ZNF487: variants seen among roughly 807,000 people sequenced by gnomAD.
The protein encoded by ZNF487 is zinc finger protein 487.
In ZNF487, 4 loss-of-function variants were observed where a neutral mutation model predicts 3.0. That is an observed-to-expected ratio of 1.35 (90% CI 0.66 to 3.08). The LOEUF (loss-of-function observed/expected upper bound fraction) is 3.08, where lower values mean the gene tolerates loss of function less well. Among genes scored for constraint, ZNF487 ranks in the 30% most tolerant of loss-of-function variants. ZNF487 has a pLI of 0.01. For missense variants in ZNF487, 146 were observed against 98.7 expected (o/e 1.48, Z -2.03); for synonymous variants, 55 against 34.6 (o/e 1.59, Z -2.06).
intron 3 of ZNF487, among the ~76,000 whole-genome samples, chr10:43,479,276 T>C (rs892975156): frequency 9.9e-5 from 15 of 152,152 alleles, no homozygotes; most frequent in Middle Eastern, 3.4e-3. Flanking sequence ...TTTTATTTTT[T>C]AATTGAATGA....
the ZNF487 span, among the ~76,000 whole-genome samples, chr10:43,498,095 ATATATTTTTTTTTTTTTTCT>A: frequency 2.5e-3 from 32 of 12,602 alleles, no homozygotes; most frequent in African/African-American, 6.4e-3. Flanking sequence ...ATATATATAT[ATATATTTTTTTTTTTTTTCT>A]TTTTTTTTTT....
intron 1 of ZNF487, among the ~76,000 whole-genome samples, chr10:43,468,906 G>A (rs61859963): frequency 0.029 from 4,080 of 142,954 alleles, 95 homozygotes; most frequent in South Asian, 0.044. Flanking sequence ...GGAGAATGGT[G>A]TGAACCCAGG....
At chr10:43,453,190 C>T (rs187747393) in intron 1 of ZNF487, 97 of 152,192 alleles carry the variant, frequency 6.4e-4, no homozygotes, top group African/African-American at 2.3e-3. Flanking sequence ...CTTTCCCAAT[C>T]ACTACATTTC....
chr10:43,508,704 G>T, the ZNF487 span, among the ~76,000 whole-genome samples: 2 of 152,084 alleles, frequency 1.3e-5, no homozygotes, highest in Admixed American at 6.5e-5. Context: ...AAACTAGCCA[G>T]GTGTAGTGGT....
chr10:43,449,694 T>A (rs201667926), intron 1 of ZNF487, among the ~76,000 whole-genome samples: 4 of 151,856 alleles, frequency 2.6e-5, no homozygotes, highest in East Asian at 1.9e-4. Context: ...TTTTTTTTTT[T>A]AATGAGACTG....
intron 1 of ZNF487, among the ~76,000 whole-genome samples, chr10:43,449,299 C>CAA (rs1286695692): frequency 7.4e-6 from 1 of 135,846 alleles, no homozygotes; most frequent in African/African-American, 2.7e-5. Context: ...ACTCTGTCTC[C>CAA]AAAAAAAAAA....
chr10:43,513,081 C>T, the ZNF487 span, among the ~76,000 whole-genome samples: 1 of 152,208 alleles, frequency 6.6e-6, no homozygotes. Context: ...TGGATCCAGT[C>T]AGCATAATAT....
At chr10:43,483,643 T>C (rs1321815168), downstream of ZNF487, among the ~76,000 whole-genome samples, 1 of 152,070 alleles carries the variant, frequency 6.6e-6, no homozygotes, top group East Asian at 1.9e-4. Flanking sequence ...TTCTTGTGCC[T>C]CAGCCTCCCA....
chr10:43,463,951 C>T (rs940198991), intron 1 of ZNF487, among the ~76,000 whole-genome samples: 5 of 152,004 alleles, frequency 3.3e-5, no homozygotes, highest in Non-Finnish European at 7.3e-5. Context: ...TTTCCTCTGG[C>T]CTCCCTATTC....
At chr10:43,501,318 G>A in the ZNF487 span, among the ~76,000 whole-genome samples, 1 of 152,168 alleles carries the variant, frequency 6.6e-6, no homozygotes, top group Non-Finnish European at 1.5e-5. Context: ...TGAAGGCCTA[G>A]TACGTTATTG....
At chr10:43,454,321 GAT>G (rs1840100372) in intron 1 of ZNF487, 1 of 152,250 alleles carries the variant, frequency 6.6e-6, no homozygotes, top group Non-Finnish European at 1.5e-5. Context: ...AAAGTGGTAG[GAT>G]TACAGGCGTG....
chr10:43,446,577 G>T (rs1326620765), intron 1 of ZNF487, among the ~76,000 whole-genome samples: 4 of 150,500 alleles, frequency 2.7e-5, no homozygotes, highest in Non-Finnish European at 5.9e-5. Context: ...GGGCAGAGGC[G>T]CTCCTCACAT....
At chr10:43,511,601 T>C in the ZNF487 span, among the ~76,000 whole-genome samples, 1 of 152,308 alleles carries the variant, frequency 6.6e-6, no homozygotes, top group South Asian at 2.1e-4. Flanking sequence ...TGGTCTCTGC[T>C]GCTAGCAAAT....
chr10:43,441,775 C>T (rs190258148), intron 1 of ZNF487, among the ~76,000 whole-genome samples: 71 of 152,128 alleles, frequency 4.7e-4, no homozygotes, highest in Middle Eastern at 6.8e-3. Flanking sequence ...CTAGTTGAGA[C>T]GGGGTTTCAC....
intron 1 of ZNF487, among the ~76,000 whole-genome samples, chr10:43,463,637 A>C (rs1259983087): frequency 6.8e-6 from 1 of 147,950 alleles, no homozygotes; most frequent in African/African-American, 2.5e-5. Flanking sequence ...TTCCCATCCC[A>C]CCTTGGTCCC....
At chr10:43,498,268 A>ATG in the ZNF487 span, among the ~76,000 whole-genome samples, 45 of 106,688 alleles carry the variant, frequency 4.2e-4, no homozygotes, top group East Asian at 0.013. Flanking sequence ...TTATATATAT[A>ATG]TATATATTTT....
chr10:43,487,520 G>A (rs960782516), downstream of ZNF487, among the ~76,000 whole-genome samples: 2 of 149,524 alleles, frequency 1.3e-5, no homozygotes, highest in African/African-American at 4.9e-5. Flanking sequence ...CGCAATCTCC[G>A]CTCACTGCAG....
chr10:43,493,156 G>T, the ZNF487 span, among the ~76,000 whole-genome samples: 3 of 152,166 alleles, frequency 2.0e-5, no homozygotes, highest in Non-Finnish European at 4.4e-5. Context: ...CTTGAACCTG[G>T]GAGGCGGAGG....
the ZNF487 span, among the ~76,000 whole-genome samples, chr10:43,505,949 A>G: frequency 1.3e-5 from 2 of 152,224 alleles, no homozygotes; most frequent in African/African-American, 4.8e-5. Flanking sequence ...AGCCCATTTT[A>G]TGTTTTTTAA....
Sources: gnomAD v4.1 joint callset for allele counts (sites outside exome capture counted in the v4.1 genomes callset) on GRCh38, gnomAD v4.1.1 for gene constraint, MANE v1.5 for transcripts, NCBI Gene and HGNC (gene_info 2026-07-23, HGNC 2026-07-21) for gene names.